The following LRCH3 variants were observed in gnomAD, a reference collection of about 807,000 sequenced individuals.
LRCH3 encodes the protein leucine rich repeats and calponin homology domain containing 3.
A neutral mutation model predicts 104.5 loss-of-function variants in LRCH3; 68 were observed. The observed-to-expected ratio is 0.65, with a 90% CI of 0.54 to 0.80. The LOEUF (loss-of-function observed/expected upper bound fraction) is 0.80. LRCH3 is among the 30% of genes least tolerant of loss of function. The pLI is 0.00. For synonymous variants in LRCH3, 344 were observed against 361.3 expected, an observed-to-expected ratio of 0.95 and a Z score of 0.54; for missense variants, 951 against 953.9, an observed-to-expected ratio of 1.00 and a Z score of 0.04.
intron 19 of LRCH3, 86 bp downstream of exon 19, chr3:197,871,548 G>C: frequency 6.5e-7 from 1 of 1,547,036 alleles, no homozygotes; most frequent in Middle Eastern, 1.7e-4. Flanking sequence ...CATTGTGCTA[G>C]ATATTAAGGA....
At chr3:197,870,491 G>A (rs1427217582) in intron 18 of LRCH3, among the ~76,000 whole-genome samples, 1 of 152,104 alleles carries the variant, frequency 6.6e-6, no homozygotes, top group African/African-American at 2.4e-5. Context: ...TCAGCCTCCT[G>A]AGTCGCTGGG....
intron 20 of LRCH3, chr3:197,882,197 C>T (rs939910547): frequency 3.6e-5 from 35 of 985,286 alleles, no homozygotes; most frequent in South Asian, 9.4e-5. Flanking sequence ...GTGTGAACAC[C>T]GGCCGCGCAG....
intron 6 of LRCH3, among the ~76,000 whole-genome samples, chr3:197,830,104 T>C (rs1340647259): frequency 6.6e-6 from 1 of 152,204 alleles, no homozygotes; most frequent in Non-Finnish European, 1.5e-5. Context: ...CATTCCTACT[T>C]TTTGAGTTTC....
chr3:197,870,916 T>C (rs184691464), intron 18 of LRCH3, among the ~76,000 whole-genome samples: 2 of 152,374 alleles, frequency 1.3e-5, no homozygotes, highest in Admixed American at 1.3e-4. Context: ...GCTCAATTCC[T>C]AGCTCTACTC....
At chr3:197,845,607 T>TA (rs1235337819) in intron 10 of LRCH3, among the ~76,000 whole-genome samples, 12 of 151,766 alleles carry the variant, frequency 7.9e-5, no homozygotes, top group African/African-American at 2.9e-4. Context: ...AAGTGTGTAT[T>TA]AAAAAATTGA....
At chr3:197,855,247 A>G (rs185631082) in intron 14 of LRCH3, among the ~76,000 whole-genome samples, 55 of 152,310 alleles carry the variant, frequency 3.6e-4, no homozygotes, top group Non-Finnish European at 5.6e-4. Context: ...ATTGCTGTGT[A>G]TTCCACAACC....
At chr3:197,832,781 T>C (rs1252867885) in intron 8 of LRCH3, among the ~76,000 whole-genome samples, 1 of 151,902 alleles carries the variant, frequency 6.6e-6, no homozygotes. Flanking sequence ...TATTCTGACA[T>C]TAAAAAATTT....
chr3:197,820,626 T>C (rs976860999), intron 4 of LRCH3, among the ~76,000 whole-genome samples, 196 bp downstream of exon 4: 1 of 151,940 alleles, frequency 6.6e-6, no homozygotes, highest in Admixed American at 6.6e-5. Context: ...GCCTGGGCAA[T>C]ATAGGGAGTC....
chr3:197,817,360 G>GTGTGTGTGTATATATATATA lies in LRCH3; in HGVS notation c.534+59_534+60insGTGTGTGTATATATATATAT. 84 of 89,936 alleles carry GTGTGTGTGTATATATATATA rather than the reference G, an allele frequency of 9.3e-4. 3 individuals are homozygous for GTGTGTGTGTATATATATATA. Among genetic ancestry groups the GTGTGTGTGTATATATATATA allele is most frequent in the South Asian group, 1.0e-3 (2 of 1,950 alleles). The allele number at this position is 89,936 out of a possible 1,614,324, so 5.6% of individuals were successfully genotyped here. A position where few individuals can be genotyped will look rare whatever the true frequency, so the allele number is the denominator to read the frequency against. On this transcript the variant is annotated intron_variant, in intron 3 of 20. Transcript: ENST00000425562. ...TGTGTGTGTGTCTGTGTGTGTGTGT[G>GTGTGTGTGTATATATATATA]TATATATATATATATATATGAAACC... is the stretch of plus-strand genomic sequence containing the variant.
At chr3:197,835,228 A>T (rs1173103657) in intron 8 of LRCH3, among the ~76,000 whole-genome samples, 1 of 152,082 alleles carries the variant, frequency 6.6e-6, no homozygotes, top group Non-Finnish European at 1.5e-5. Context: ...ATGTCACCCA[A>T]GCTGGAGTGC....
rs1051121248 is a variant in LRCH3, at chr3:197,887,064, T to C, written c.*3398T>C. On this transcript the variant is annotated 3_prime_UTR_variant, in exon 21 of 21. Coordinates refer to ENST00000425562, the MANE Select transcript of LRCH3 (RefSeq NM_001365715.1). Reference sequence around the variant, plus strand: ...TTGGCTGATAATTGAAGGAAAAATATCAAATGCTTTGAATTTTTTTTCTCT... The same window carrying C: ...TTGGCTGATAATTGAAGGAAAAATACCAAATGCTTTGAATTTTTTTTCTCT... 1 of 152,206 alleles carries C rather than the reference T, an allele frequency of 6.6e-6. No individual in the cohort carries two copies. The highest frequency in any genetic ancestry group is 2.4e-5 in the African/African-American group (1 of 41,458). 9.4% of individuals were successfully genotyped at this position (152,206 alleles called of 1,614,324 possible). A position where few individuals can be genotyped will look rare whatever the true frequency, so the allele number is the denominator to read the frequency against.
At chr3:197,865,959 A>T (rs529971465) in intron 16 of LRCH3, among the ~76,000 whole-genome samples, 153 bp from the exon 17 acceptor site, 1 of 152,200 alleles carries the variant, frequency 6.6e-6, no homozygotes, top group African/African-American at 2.4e-5. Flanking sequence ...TCCTGGTTTC[A>T]TGATTATTTT....
intron 20 of LRCH3, chr3:197,882,918 A>AT: frequency 1.0e-6 from 1 of 985,316 alleles, no homozygotes; most frequent in South Asian, 4.7e-5. Flanking sequence ...TGTAATTCAG[A>AT]TTTTTAATTC....
intron 1 of LRCH3, among the ~76,000 whole-genome samples, chr3:197,813,823 G>A (rs1032917868): frequency 5.3e-5 from 8 of 152,136 alleles, no homozygotes; most frequent in East Asian, 1.9e-4. Context: ...GAGCCACCGC[G>A]CCTGGCCTGA....
chr3:197,838,221 G>A (rs961300705), intron 9 of LRCH3, among the ~76,000 whole-genome samples: 33 of 152,216 alleles, frequency 2.2e-4, no homozygotes, highest in South Asian at 6.2e-4. Context: ...GCAGTTTGAG[G>A]CCGGCCTGGG....
rs375478596 is a variant in LRCH3 at position 197,817,244 on chromosome 3, A to G, written c.476A>G (p.Asn159Ser). Reference sequence around the variant, plus strand: ...CCATTGAAAGTCTTAATTGCTAGTAATAACAAATTGGTGTCACTTCCAGAA... The same window carrying G: ...CCATTGAAAGTCTTAATTGCTAGTAGTAACAAATTGGTGTCACTTCCAGAA... ...NLPLKVLIAS[N>S]NKLVSLPEEI... Residue 159 changes from asparagine to serine, a missense_variant, in exon 3 of 21, where the codon AAT becomes AGT. Transcript: ENST00000425562. 2.0e-5 allele frequency: 33 copies of G among 1,611,520 alleles called. No individual in the cohort carries two copies. The highest frequency in any genetic ancestry group is 2.5e-5 in the Non-Finnish European group (30 of 1,178,960).
At chr3:197,816,706 G>C (rs910189391) in intron 2 of LRCH3, among the ~76,000 whole-genome samples, 3 of 151,952 alleles carry the variant, frequency 2.0e-5, no homozygotes, top group African/African-American at 7.2e-5. Flanking sequence ...TTTTTCCACA[G>C]AGCTACATTT....
At chr3:197,826,800 AT>A in intron 4 of LRCH3, 77 bp from the exon 5 acceptor site, 2 of 1,520,126 alleles carry the variant, frequency 1.3e-6, no homozygotes, top group South Asian at 2.3e-5. Context: ...TTAAAATCAC[AT>A]TTAACTAGAA....
intron 3 of LRCH3, among the ~76,000 whole-genome samples, chr3:197,819,334 CTTTT>C (rs11318373): frequency 8.8e-5 from 13 of 147,052 alleles, no homozygotes; most frequent in African/African-American, 3.2e-4. Flanking sequence ...ATGCTTTCAA[CTTTT>C]TTTTTTTTTC....
Sources: gnomAD v4.1 joint callset for allele counts (sites outside exome capture counted in the v4.1 genomes callset) on GRCh38, gnomAD v4.1.1 for gene constraint, MANE v1.5 for transcripts, NCBI Gene and HGNC (gene_info 2026-07-23, HGNC 2026-07-21) for gene names.